The following GJD3 variants were observed in gnomAD, a reference collection of about 807,000 sequenced individuals.
GJD3 encodes the protein gap junction delta-3 protein.
For synonymous variants in GJD3, 217 were observed against 226.7 expected, an observed-to-expected ratio of 0.96 and a Z score of 0.38; for missense variants, 421 against 448.5, an observed-to-expected ratio of 0.94 and a Z score of 0.55.
rs1309805903 is a variant in GJD3, at chr17:40,361,308, CCTGACAGGGGCAGGG to C, written c.*1608_*1622del. Among the ~76,000 whole-genome samples the C allele has an allele frequency of 6.6e-6, 1 of 152,196 alleles. No homozygotes were observed. The highest frequency in any genetic ancestry group is 1.5e-5 in the Non-Finnish European group (1 of 68,034). Reference sequence around the variant, plus strand: ...GAAGCCGGTGCTGTGGAGTCGAAGGCCTGACAGGGGCAGGGCTTCAGAAGGAAGCTTTGTGAAGGC... The same window carrying C: ...GAAGCCGGTGCTGTGGAGTCGAAGGCCTTCAGAAGGAAGCTTTGTGAAGGC... On this transcript the variant is annotated 3_prime_UTR_variant, in exon 1 of 1. Transcript: ENST00000578689.
In GJD3 at chr17:40,363,955, G is replaced by T. The variant is rs1349612217; in HGVS notation, c.-140C>A. ...GTGAGGTAGGAGAGGCCCGGGTTTA[G>T]CGATGAGACCAGTATGAAACGGAGG... is the stretch of plus-strand genomic sequence containing the variant. On this transcript the variant is annotated 5_prime_UTR_variant, in exon 1 of 1. Transcript: ENST00000578689. This position sits in a 1 kb window ranked among gnomAD's most constrained non-coding sequence, Gnocchi z 5.5. 3.6e-5 allele frequency: 43 copies of T among 1,192,822 alleles called. No homozygotes were observed. The highest frequency in any genetic ancestry group is 4.8e-5 in the Non-Finnish European group (41 of 862,426). 73.9% of individuals were successfully genotyped at this position (1,192,822 alleles called of 1,614,324 possible). A position where few individuals can be genotyped will look rare whatever the true frequency, so the allele number is the denominator to read the frequency against.
Position 40,362,947 on chromosome 17 carries a change from C to A in GJD3, c.869G>T (p.Arg290Leu). The change falls in exon 1 of 1, where the codon CGA becomes CTA. Residue 290 changes from arginine (R) to leucine (L), a missense_variant. By Grantham distance (102) the Arg-to-Leu change is moderately radical. Transcript: ENST00000578689. ...TGCCCGCCCCTAGATGGCCAGATCT[C>A]GGCGGCCGGTGGCCGGTGACGCCTT... The part of the protein sequence containing the change: ...RGKASPATGR[R>L]DLAI The A allele has an allele frequency of 8.0e-7, 1 of 1,243,470 alleles. No homozygotes were observed. Among genetic ancestry groups the A allele is most frequent in the South Asian group, 2.8e-5 (1 of 35,820 alleles). The allele number at this position is 1,243,470 out of a possible 1,614,324, so 77.0% of individuals were successfully genotyped here. A position where few individuals can be genotyped will look rare whatever the true frequency, so the allele number is the denominator to read the frequency against.
rs2034768781 is a variant in GJD3, at chr17:40,363,182, G to T, written c.634C>A (p.Leu212Met). The T allele has an allele frequency of 6.9e-7, 1 of 1,444,812 alleles. No individual in the cohort carries two copies. Among genetic ancestry groups the T allele is most frequent in the African/African-American group, 1.5e-5 (1 of 68,168 alleles). The allele number at this position is 1,444,812 out of a possible 1,614,324, so 89.5% of individuals were successfully genotyped here. A position where few individuals can be genotyped will look rare whatever the true frequency, so the allele number is the denominator to read the frequency against. Reference sequence around the variant, plus strand: ...GCGCGCGGGCGGCCCTTCCAGAGCAGGTGGCCCAGCTCGGCTACGCTGAGC... The same window carrying T: ...GCGCGCGGGCGGCCCTTCCAGAGCATGTGGCCCAGCTCGGCTACGCTGAGC... ...ALLSVAELGH[L>M]LWKGRPRAGE... Residue 212 changes from leucine (L) to methionine (M), a missense_variant, in exon 1 of 1, where the codon CTG becomes ATG. Physicochemically the swap from Leu to Met is conservative, Grantham distance 15 (BLOSUM62 2). Transcript: ENST00000578689. The surrounding 1 kb of genome is among the most constrained non-coding windows in gnomAD (Gnocchi z 5.5).
In GJD3 at chr17:40,362,950, C is replaced by T; in HGVS notation, c.866G>A (p.Arg289His). Residue 289 changes from arginine (R) to histidine (H), a missense_variant, in exon 1 of 1, where the codon CGC becomes CAC. Physicochemically the swap from Arg to His is conservative, Grantham distance 29. Coordinates refer to ENST00000578689, the MANE Select transcript of GJD3 (RefSeq NM_152219.4). Reference protein sequence around the residue: ...GRGKASPATGRRDLAI With the variant: ...GRGKASPATGHRDLAI ...CCGCCCCTAGATGGCCAGATCTCGG[C>T]GGCCGGTGGCCGGTGACGCCTTGCC... is the stretch of plus-strand genomic sequence containing the variant. 8.0e-7 allele frequency: 1 copy of T among 1,243,788 alleles called. No homozygotes were observed. The highest frequency in any genetic ancestry group is 1.0e-6 in the Non-Finnish European group (1 of 991,604). The allele number at this position is 1,243,788 out of a possible 1,614,324, so 77.0% of individuals were successfully genotyped here. A position where few individuals can be genotyped will look rare whatever the true frequency, so the allele number is the denominator to read the frequency against.
rs1294992781 is a variant in GJD3 at position 40,363,051 on chromosome 17, G to C, written c.765C>G (p.Pro255=). Residue 255 remains proline, a synonymous_variant, in exon 1 of 1, where the codon CCC becomes CCG. Transcript: ENST00000578689. The surrounding 1 kb of genome is among the most constrained non-coding windows in gnomAD (Gnocchi z 5.5). The part of the protein sequence containing the change: ...PPPPALPSRR[P]GPEPCAPPAY... The stretch of plus-strand genomic sequence containing the variant: ...CCGGCGGGGCGCACGGCTCGGGGCC[G>C]GGGCGCCGGGAGGGCAGGGCCGGTG... 12 of 1,227,030 alleles carry C rather than the reference G, an allele frequency of 9.8e-6. No homozygotes were observed. The highest frequency in any genetic ancestry group is 1.2e-5 in the Non-Finnish European group (12 of 984,586). The allele number at this position is 1,227,030 out of a possible 1,614,324, so 76.0% of individuals were successfully genotyped here.
In GJD3 at chr17:40,361,112, G is replaced by C. The variant is rs775934973; in HGVS notation, c.*1819C>G. The C allele has an allele frequency of 1.1e-5, 5 of 435,530 alleles. No homozygotes were observed. Among genetic ancestry groups the C allele is most frequent in the South Asian group, 8.1e-5 (5 of 61,380 alleles). The allele number at this position is 435,530 out of a possible 1,614,324, so 27.0% of individuals were successfully genotyped here. On this transcript the variant is annotated 3_prime_UTR_variant, in exon 1 of 1. Transcript: ENST00000578689. ...GGGAGCCCTCTCCTTGAAGGTGTCT[G>C]TTTTCTTCCCAAGTGACAACAATAG... is the stretch of plus-strand genomic sequence containing the variant.
chr17:40,363,419 G>T lies in GJD3; in HGVS notation c.397C>A (p.Arg133Ser). The change falls in exon 1 of 1, where the codon CGC becomes AGC. Residue 133 changes from arginine to serine, a missense_variant. Transcript: ENST00000578689. The surrounding 1 kb of genome is among the most constrained non-coding windows in gnomAD (Gnocchi z 5.5). The stretch of plus-strand genomic sequence containing the variant: ...GCCACGCTCAGCAGGTAGCAGCGGC[G>T]CGCGCGGCGGGCGCGCAGGGCGCAC... ...APCALRARRA[R>S]RCYLLSVALR... 7.6e-7 allele frequency: 1 copy of T among 1,310,516 alleles called. No individual in the cohort carries two copies. The highest frequency in any genetic ancestry group is 2.3e-5 in the South Asian group (1 of 44,030). 81.2% of individuals were successfully genotyped at this position (1,310,516 alleles called of 1,614,324 possible).
chr17:40,360,735 G>C lies in GJD3; in HGVS notation c.*2196C>G, dbSNP rs796969688. On this transcript the variant is annotated 3_prime_UTR_variant, in exon 1 of 1. Coordinates refer to ENST00000578689, the MANE Select transcript of GJD3 (RefSeq NM_152219.4). ...CATGGCTCATATGCTATTTCCATCG[G>C]ATGATGCTGATCTTGAACATCTTCT... 3.9e-4 allele frequency: 83 copies of C among 211,164 alleles called. No homozygotes were observed. The highest frequency in any genetic ancestry group is 1.9e-3 in the African/African-American group (81 of 41,904). The allele number at this position is 211,164 out of a possible 1,614,324, so 13.1% of individuals were successfully genotyped here.
chr17:40,363,402 C>T lies in GJD3; in HGVS notation c.414G>A (p.Leu138=), dbSNP rs978461520. Residue 138 remains leucine, a synonymous_variant, in exon 1 of 1, where the codon CTG becomes CTA. Transcript: ENST00000578689. This position sits in a 1 kb window ranked among gnomAD's most constrained non-coding sequence, Gnocchi z 5.5. ...RARRARRCYL[L]SVALRLLAEL... ...CGGCCAGCAGGCGCAGCGCCACGCTCAGCAGGTAGCAGCGGCGCGCGCGGC... is the reference window on the plus strand; with the variant it reads ...CGGCCAGCAGGCGCAGCGCCACGCTTAGCAGGTAGCAGCGGCGCGCGCGGC... 3.7e-6 allele frequency: 5 copies of T among 1,337,882 alleles called. No homozygotes were observed. Among genetic ancestry groups the T allele is most frequent in the Non-Finnish European group, 4.8e-6 (5 of 1,049,460 alleles). 82.9% of individuals were successfully genotyped at this position (1,337,882 alleles called of 1,614,324 possible). A position where few individuals can be genotyped will look rare whatever the true frequency, so the allele number is the denominator to read the frequency against.
chr17:40,364,045 A>T lies in GJD3; in HGVS notation c.-230T>A. ...ATGGGTTACCTTCTCTTTGGGACCG[A>T]TGGGTGCTGGGGAGGATCCCCCATT... On this transcript the variant is annotated 5_prime_UTR_variant, in exon 1 of 1. Transcript: ENST00000578689. 1 of 585,640 alleles carries T rather than the reference A, an allele frequency of 1.7e-6. No individual in the cohort carries two copies. Among genetic ancestry groups the T allele is most frequent in the East Asian group, 3.1e-5 (1 of 32,416 alleles). 36.3% of individuals were successfully genotyped at this position (585,640 alleles called of 1,614,324 possible).
Position 40,362,521 on chromosome 17 carries a change from G to C in GJD3, c.*410C>G, listed in dbSNP as rs1360389214. Among the ~76,000 whole-genome samples the C allele has an allele frequency of 6.6e-6, 1 of 152,168 alleles. No individual in the cohort carries two copies. Among genetic ancestry groups the C allele is most frequent in the Non-Finnish European group, 1.5e-5 (1 of 67,994 alleles). On this transcript the variant is annotated 3_prime_UTR_variant, in exon 1 of 1. Coordinates refer to ENST00000578689, the MANE Select transcript of GJD3 (RefSeq NM_152219.4). ...TATGCACACTCGCAGAGAGCCCACA[G>C]GGGGACCACTCTCTCTCTGAACACA...
At position 40,363,885 on chromosome 17, in the gene GJD3, A is replaced by T. The variant is rs1290315624; in HGVS notation, c.-70T>A. ...AGGGACCCCTGCCCCTTCCAAGCCT[A>T]TCGGGGTGGGGTCCGTTGGACCTTC... is the stretch of plus-strand genomic sequence containing the variant. On this transcript the variant is annotated 5_prime_UTR_variant, in exon 1 of 1. Transcript: ENST00000578689. This position sits in a 1 kb window ranked among gnomAD's most constrained non-coding sequence, Gnocchi z 5.5. 2 of 1,489,402 alleles carry T rather than the reference A, an allele frequency of 1.3e-6. No homozygotes were observed. The highest frequency in any genetic ancestry group is 9.0e-7 in the Non-Finnish European group (1 of 1,116,878). The allele number at this position is 1,489,402 out of a possible 1,614,324, so 92.3% of individuals were successfully genotyped here. A position where few individuals can be genotyped will look rare whatever the true frequency, so the allele number is the denominator to read the frequency against.
rs1254900811 is a variant in GJD3 at position 40,363,538 on chromosome 17, A to T, written c.278T>A (p.Val93Asp). The T allele has an allele frequency of 1.1e-5, 18 of 1,571,268 alleles. No homozygotes were observed. The highest frequency in any genetic ancestry group is 1.5e-5 in the Non-Finnish European group (17 of 1,159,386). ...GCCTGCCCGGTGCATGGAGTAGACG[A>T]CGAACAGCACCGGGGGCGCCGAGAG... ...LLLSAPPVLF[V>D]VYSMHRAGKE... is the part of the protein sequence containing the mutation. Residue 93 changes from valine to aspartate, a missense_variant, in exon 1 of 1, where the codon GTC (valine) becomes GAC (aspartate). Coordinates refer to ENST00000578689, the MANE Select transcript of GJD3 (RefSeq NM_152219.4). This position sits in a 1 kb window ranked among gnomAD's most constrained non-coding sequence, Gnocchi z 5.5.
chr17:40,363,264 GGGCCGGCTCA>G lies in GJD3; in HGVS notation c.542_551del (p.Val181AlafsTer23). ...AGAGCACGAAGACGGTCTTCTCGGT[GGGCCGGCTCA>G]CGAAGCAGTCGACCGTGTGCGGGCA... On this transcript the variant is annotated frameshift_variant, in exon 1 of 1. Coordinates refer to ENST00000578689, the MANE Select transcript of GJD3 (RefSeq NM_152219.4). LOFTEE classifies it low-confidence loss of function (END_TRUNC). This position sits in a 1 kb window ranked among gnomAD's most constrained non-coding sequence, Gnocchi z 5.5. 6.9e-7 allele frequency: 1 copy of G among 1,440,538 alleles called. No individual in the cohort carries two copies. The highest frequency in any genetic ancestry group is 9.1e-7 in the Non-Finnish European group (1 of 1,095,026). 89.2% of individuals were successfully genotyped at this position (1,440,538 alleles called of 1,614,324 possible). A position where few individuals can be genotyped will look rare whatever the true frequency, so the allele number is the denominator to read the frequency against.
In GJD3 at chr17:40,363,315, C is replaced by T. The variant is rs373627761; in HGVS notation, c.501G>A (p.Ala167=). The change falls in exon 1 of 1, where the codon GCG becomes GCA. Residue 167 remains alanine (A), a synonymous_variant. Transcript: ENST00000578689. This position sits in a 1 kb window ranked among gnomAD's most constrained non-coding sequence, Gnocchi z 5.5. The part of the protein sequence containing the change: ...LYGFRVAPHF[A]CAGPPCPHTV... ...TGTGCGGGCAGGGCGGACCGGCGCA[C>T]GCGAAGTGCGGGGCCACGCGGAAGC... is the stretch of plus-strand genomic sequence containing the variant. 5.9e-4 allele frequency: 836 copies of T among 1,405,682 alleles called. 4 individuals carry two copies. The African/African-American group carries it at 0.011, about 19-fold the overall frequency. The allele number at this position is 1,405,682 out of a possible 1,614,324, so 87.1% of individuals were successfully genotyped here.
chr17:40,362,936 T>C lies in GJD3; in HGVS notation c.880A>G (p.Ile294Val). Residue 294 changes from isoleucine to valine, a missense_variant, in exon 1 of 1, where the codon ATC (isoleucine) becomes GTC (valine). Ile to Val is a conservative substitution (Grantham distance 29, BLOSUM62 3). Transcript: ENST00000578689. ...GCGCGAGGCGGTGCCCGCCCCTAGA[T>C]GGCCAGATCTCGGCGGCCGGTGGCC... ...SPATGRRDLA[I>V] 1.2e-5 allele frequency: 15 copies of C among 1,237,870 alleles called. No individual in the cohort carries two copies. Among genetic ancestry groups the C allele is most frequent in the Non-Finnish European group, 1.5e-5 (15 of 988,180 alleles). The allele number at this position is 1,237,870 out of a possible 1,614,324, so 76.7% of individuals were successfully genotyped here.
Position 40,361,047 on chromosome 17 carries a change from C to T in GJD3, c.*1884G>A, listed in dbSNP as rs747070984. The T allele has an allele frequency of 4.2e-5, 19 of 456,356 alleles. No homozygotes were observed. Among genetic ancestry groups the T allele is most frequent in the East Asian group, 2.1e-4 (3 of 14,352 alleles). The allele number at this position is 456,356 out of a possible 1,614,324, so 28.3% of individuals were successfully genotyped here. A position where few individuals can be genotyped will look rare whatever the true frequency, so the allele number is the denominator to read the frequency against. On this transcript the variant is annotated 3_prime_UTR_variant, in exon 1 of 1. Coordinates refer to ENST00000578689, the MANE Select transcript of GJD3 (RefSeq NM_152219.4). ...AGGAGAAGTGCTTTCCCTACGGAAG[C>T]GAGGGGCATCCAGCTCTGTCTTGGG...
Position 40,363,585 on chromosome 17 carries a change from GA to G in GJD3, c.230del (p.Phe77SerfsTer62). The G allele has an allele frequency of 6.3e-7, 1 of 1,598,322 alleles. No homozygotes were observed. Among genetic ancestry groups the G allele is most frequent in the Non-Finnish European group, 8.5e-7 (1 of 1,173,068 alleles). On this transcript the variant is annotated frameshift_variant, in exon 1 of 1. Transcript: ENST00000578689. LOFTEE classifies it low-confidence loss of function (END_TRUNC). This position sits in a 1 kb window ranked among gnomAD's most constrained non-coding sequence, Gnocchi z 5.5. The stretch of plus-strand genomic sequence containing the variant: ...AGAGCAGCAGGATGTGGAAGAGCCA[GA>G]AGCGGTAGTGGGAGACCGGGAAGGC... ...DRAFPVSHYRFWLFHILLLSA... is the reference protein window; with the variant it reads ...DRAFPVSHYRXWLFHILLLSA...
chr17:40,363,267 C>T lies in GJD3; in HGVS notation c.549G>A (p.Arg183=). The part of the protein sequence containing the change: ...CPHTVDCFVS[R]PTEKTVFVLF... ...GCACGAAGACGGTCTTCTCGGTGGG[C>T]CGGCTCACGAAGCAGTCGACCGTGT... Residue 183 remains arginine, a synonymous_variant, in exon 1 of 1, where the codon CGG becomes CGA. Coordinates refer to ENST00000578689, the MANE Select transcript of GJD3 (RefSeq NM_152219.4). The surrounding 1 kb of genome is among the most constrained non-coding windows in gnomAD (Gnocchi z 5.5). 4.9e-6 allele frequency: 7 copies of T among 1,438,264 alleles called. No homozygotes were observed. The highest frequency in any genetic ancestry group is 1.3e-5 in the South Asian group (1 of 74,422). The allele number at this position is 1,438,264 out of a possible 1,614,324, so 89.1% of individuals were successfully genotyped here.
Sources: allele counts gnomAD v4.1 joint callset (sites outside exome capture counted in the v4.1 genomes callset), GRCh38; gene constraint gnomAD v4.1.1; non-coding constraint Gnocchi (gnomAD v3.1); transcripts MANE v1.5; gene names NCBI Gene and HGNC (gene_info 2026-07-23, HGNC 2026-07-21).